The following CNTN1 variants were observed in gnomAD, a reference collection of about 807,000 sequenced individuals.
CNTN1 encodes the protein contactin-1.
A neutral mutation model predicts 126.4 loss-of-function variants in CNTN1; 38 were observed. The observed-to-expected ratio is 0.30, with a 90% confidence interval of 0.23 to 0.39. CNTN1 has a LOEUF of 0.39. Among genes scored for constraint, CNTN1 ranks in the 10% least tolerant of loss-of-function variants. The pLI is 1.00. For missense variants in CNTN1, 1,009 were observed against 1,248.4 expected (o/e 0.81, Z 2.89); for synonymous variants, 413 against 422.6 (o/e 0.98, Z 0.28).
chr12:40,721,210 G>A (rs895223149), intron 1 of CNTN1, among the ~76,000 whole-genome samples: 1 of 152,004 alleles, frequency 6.6e-6, no homozygotes, highest in Admixed American at 6.6e-5. Context: ...AGGATATAAT[G>A]CATTCCATCT....
chr12:41,017,363 C>T (rs1301978967), intron 19 of CNTN1, among the ~76,000 whole-genome samples: 3 of 121,006 alleles, frequency 2.5e-5, no homozygotes, highest in Non-Finnish European at 4.9e-5. Context: ...GTCTGGAGGA[C>T]AGAGCAAGAC....
intron 23 of CNTN1, among the ~76,000 whole-genome samples, chr12:41,049,609 C>T (rs192312313): frequency 4.3e-4 from 65 of 152,346 alleles, no homozygotes; most frequent in Non-Finnish European, 6.3e-4. Flanking sequence ...TAATTGTGCT[C>T]TTCGCTTGGT....
At chr12:41,033,559 A>C (rs959493411) in intron 23 of CNTN1, among the ~76,000 whole-genome samples, 2 of 152,132 alleles carry the variant, frequency 1.3e-5, no homozygotes, top group African/African-American at 4.8e-5. Context: ...ACTGCAGAAC[A>C]TTTTAGAGTC....
chr12:40,962,913 G>T (rs1158601727), intron 15 of CNTN1, among the ~76,000 whole-genome samples: 1 of 151,982 alleles, frequency 6.6e-6, no homozygotes, highest in African/African-American at 2.4e-5. Flanking sequence ...TCTTTCTATA[G>T]TATAGAGATT....
intron 1 of CNTN1, among the ~76,000 whole-genome samples, chr12:40,796,466 A>G (rs979829498): frequency 6.6e-6 from 1 of 151,988 alleles, no homozygotes; most frequent in African/African-American, 2.4e-5. Flanking sequence ...AATCTCTAGG[A>G]GTGGGGCCTA....
chr12:40,761,788 G>C (rs1429436583), intron 1 of CNTN1, among the ~76,000 whole-genome samples: 2 of 152,088 alleles, frequency 1.3e-5, no homozygotes, highest in Non-Finnish European at 2.9e-5. Context: ...TAGAATCATA[G>C]AGAAATTAAA....
intron 1 of CNTN1, among the ~76,000 whole-genome samples, chr12:40,785,333 T>G (rs1415904730): frequency 1.3e-5 from 2 of 151,950 alleles, no homozygotes; most frequent in African/African-American, 2.4e-5. Context: ...GAGCTTTCAC[T>G]CATAGTGGAA....
chr12:40,720,272 CAT>C (rs926734799), intron 1 of CNTN1, among the ~76,000 whole-genome samples: 6 of 152,018 alleles, frequency 3.9e-5, no homozygotes, highest in Non-Finnish European at 5.9e-5. Context: ...TTTTGAAAAA[CAT>C]ATTTATTGGT....
chr12:40,849,886 A>G (rs971218625), intron 1 of CNTN1, among the ~76,000 whole-genome samples: 1 of 152,040 alleles, frequency 6.6e-6, no homozygotes, highest in African/African-American at 2.4e-5. Context: ...TACATACAGT[A>G]TATATATAGT....
chr12:40,733,532 G>A (rs1306815632), intron 1 of CNTN1, among the ~76,000 whole-genome samples: 1 of 151,744 alleles, frequency 6.6e-6, no homozygotes, highest in Non-Finnish European at 1.5e-5. Flanking sequence ...GAGATTTTTG[G>A]CATCATGAGA....
intron 1 of CNTN1, among the ~76,000 whole-genome samples, chr12:40,693,348 G>A (rs1941352793): frequency 1.3e-5 from 2 of 152,166 alleles, no homozygotes; most frequent in Non-Finnish European, 2.9e-5. Flanking sequence ...TGGCTTCAGG[G>A]ATTTCCAGGG....
chr12:40,933,995 A>G, intron 9 of CNTN1, 117 bp downstream of exon 9: 1 of 774,410 alleles, frequency 1.3e-6, no homozygotes, highest in Admixed American at 2.4e-5. Flanking sequence ...GATGCATGTT[A>G]CATCATGGAG....
intron 1 of CNTN1, among the ~76,000 whole-genome samples, chr12:40,757,496 TAGTTA>T (rs1418143869): frequency 6.6e-6 from 1 of 152,180 alleles, no homozygotes; most frequent in Non-Finnish European, 1.5e-5. Flanking sequence ...TGCTCTGTGA[TAGTTA>T]AGTTTTCAAA....
chr12:40,896,799 G>C (rs1056611314), intron 1 of CNTN1, among the ~76,000 whole-genome samples: 3 of 152,132 alleles, frequency 2.0e-5, no homozygotes, highest in Non-Finnish European at 2.9e-5. Context: ...TGAGACAAAG[G>C]ACCACTTGAA....
At chr12:40,838,923 C>A (rs566944201) in intron 1 of CNTN1, among the ~76,000 whole-genome samples, 1 of 152,004 alleles carries the variant, frequency 6.6e-6, no homozygotes, top group Non-Finnish European at 1.5e-5. Context: ...AGATCTTAAT[C>A]GAAACAAAAT....
rs1165446558 is a variant in CNTN1, at chr12:41,025,337, G to A, written c.2710+1G>A. 2 of 1,612,902 alleles carry A rather than the reference G, an allele frequency of 1.2e-6. No homozygotes were observed. Among genetic ancestry groups the A allele is most frequent in the African/African-American group, 1.3e-5 (1 of 74,984 alleles). ...ATTGAGGCTTTCACCAAGAAAGCAC[G>A]TGAGTCTCACGTTTTGTTTTTAGAC... On this transcript the variant is annotated splice_donor_variant, in intron 21 of 23. Coordinates refer to ENST00000551295, the MANE Select transcript of CNTN1 (RefSeq NM_001843.4). LOFTEE classifies it high-confidence loss of function.
At chr12:40,878,292 A>G (rs1367486850) in intron 1 of CNTN1, among the ~76,000 whole-genome samples, 1 of 149,722 alleles carries the variant, frequency 6.7e-6, no homozygotes, top group African/African-American at 2.4e-5. Context: ...CACTGCACCC[A>G]GCCAAGAAAC....
At chr12:41,029,313 G>C in intron 23 of CNTN1, 94 bp downstream of exon 23, 1 of 1,374,720 alleles carries the variant, frequency 7.3e-7, no homozygotes, top group Non-Finnish European at 1.0e-6. Context: ...TGATACACCA[G>C]TGTCCATATT....
intron 1 of CNTN1, among the ~76,000 whole-genome samples, chr12:40,841,840 G>GA (rs1278882827): frequency 6.6e-6 from 1 of 152,026 alleles, no homozygotes; most frequent in African/African-American, 2.4e-5. Context: ...GGGAAACGCA[G>GA]AAAGCCTTTT....
Sources: gnomAD v4.1 joint callset for allele counts (sites outside exome capture counted in the v4.1 genomes callset) on GRCh38, gnomAD v4.1.1 for gene constraint, MANE v1.5 for transcripts, NCBI Gene and HGNC (gene_info 2026-07-23, HGNC 2026-07-21) for gene names.